The following PDK1 variants were observed in gnomAD, a reference collection of about 807,000 sequenced individuals.
PDK1 encodes pyruvate dehydrogenase kinase 1.
PDK1 carries 39 observed loss-of-function variants against 54.2 expected under a neutral mutation model. The observed-to-expected ratio is 0.72, with a 90% CI of 0.56 to 0.94. The LOEUF (loss-of-function observed/expected upper bound fraction) is 0.94, where lower values mean the gene tolerates loss of function less well. Ranked by LOEUF, PDK1 falls within the 40% of genes least tolerant of loss-of-function variation. The pLI is 0.00. For synonymous variants in PDK1, 221 were observed against 207.1 expected (o/e 1.07, Z -0.58); for missense variants, 552 against 566.0 (o/e 0.98, Z 0.25).
chr2:172,685,629 C>T, the PDK1 span, among the ~76,000 whole-genome samples: 14 of 152,186 alleles, frequency 9.2e-5, no homozygotes, highest in African/African-American at 3.4e-4. Flanking sequence ...GAGTGTTTAG[C>T]ATTGCATACT....
the PDK1 span, among the ~76,000 whole-genome samples, chr2:172,615,634 AC>A: frequency 1.4e-4 from 22 of 152,076 alleles, no homozygotes; most frequent in Admixed American, 7.2e-4. Flanking sequence ...AAAAAAAAAA[AC>A]ATTAATTAAT....
the PDK1 span, among the ~76,000 whole-genome samples, chr2:172,638,664 G>C: frequency 7.1e-6 from 1 of 141,536 alleles, no homozygotes; most frequent in Non-Finnish European, 1.6e-5. Context: ...CTAAAGGATT[G>C]TAAATGCACC....
At chr2:172,563,965 C>G in intron 3 of PDK1, 1 of 465,026 alleles carries the variant, frequency 2.2e-6, no homozygotes, top group Non-Finnish European at 4.4e-6. Flanking sequence ...TTTTCCTCTC[C>G]CATTTTATAA....
the PDK1 span, among the ~76,000 whole-genome samples, chr2:172,663,153 C>T: frequency 6.6e-6 from 1 of 152,184 alleles, no homozygotes; most frequent in Non-Finnish European, 1.5e-5. Context: ...CTGGTTTCTT[C>T]CAGGTTTCTG....
intron 2 of PDK1, among the ~76,000 whole-genome samples, chr2:172,559,245 C>T (rs1260505632): frequency 6.6e-6 from 1 of 152,176 alleles, no homozygotes; most frequent in Non-Finnish European, 1.5e-5. Flanking sequence ...CCGTGCCCGA[C>T]CAGAGTCTTA....
intron 8 of PDK1, among the ~76,000 whole-genome samples, chr2:172,578,163 C>A (rs1334759267): frequency 6.6e-6 from 1 of 152,164 alleles, no homozygotes; most frequent in East Asian, 1.9e-4. Context: ...GCCTTCCAGC[C>A]TCCATGGTTT....
At chr2:172,631,582 C>G in the PDK1 span, among the ~76,000 whole-genome samples, 29 of 152,182 alleles carry the variant, frequency 1.9e-4, no homozygotes, top group Admixed American at 2.0e-4. Flanking sequence ...ACAAAATTCC[C>G]TAGGGTGATT....
At chr2:172,708,071 G>A in the PDK1 span, among the ~76,000 whole-genome samples, 1 of 152,122 alleles carries the variant, frequency 6.6e-6, no homozygotes, top group Non-Finnish European at 1.5e-5. Flanking sequence ...AGAGGTCGAG[G>A]TGAGTAGATT....
At chr2:172,644,107 C>G in the PDK1 span, among the ~76,000 whole-genome samples, 1 of 152,072 alleles carries the variant, frequency 6.6e-6, no homozygotes, top group Non-Finnish European at 1.5e-5. Flanking sequence ...GGAGATGCCC[C>G]GAGGGCATGA....
the PDK1 span, among the ~76,000 whole-genome samples, chr2:172,717,171 G>A: frequency 2.0e-5 from 3 of 152,128 alleles, no homozygotes; most frequent in Non-Finnish European, 4.4e-5. Context: ...AACTGCTTAC[G>A]GCTTTTCTCT....
intron 8 of PDK1, among the ~76,000 whole-genome samples, chr2:172,575,714 C>T (rs752009876): frequency 2.0e-5 from 3 of 151,866 alleles, no homozygotes; most frequent in Non-Finnish European, 2.9e-5. Flanking sequence ...CCCAGCTACT[C>T]GAGAAGCTGA....
chr2:172,570,826 TA>T lies in PDK1; in HGVS notation c.945+5del. The T allele has an allele frequency of 6.5e-7, 1 of 1,541,078 alleles. No homozygotes were observed. Among genetic ancestry groups the T allele is most frequent in the Non-Finnish European group, 8.9e-7 (1 of 1,119,142 alleles). ...GGTAATGAGGATTTGACTGTGAAGG[TA>T]AATGTGTTTAATGGTTTGTTTTCTT... is the stretch of plus-strand genomic sequence containing the variant. On this transcript the variant is annotated splice_donor_region_variant and intron_variant, in intron 8 of 10. Coordinates refer to ENST00000282077, the MANE Select transcript of PDK1 (RefSeq NM_002610.5).
At chr2:172,620,007 A>G in the PDK1 span, among the ~76,000 whole-genome samples, 2 of 152,172 alleles carry the variant, frequency 1.3e-5, no homozygotes, top group African/African-American at 4.8e-5. Context: ...TCTACTAAAA[A>G]TACAAAAATT....
chr2:172,706,278 TC>T, the PDK1 span, among the ~76,000 whole-genome samples: 1 of 152,196 alleles, frequency 6.6e-6, no homozygotes, highest in Admixed American at 6.5e-5. Flanking sequence ...TTTTTTTTTT[TC>T]AGTCAGAGGA....
chr2:172,663,259 C>A, the PDK1 span, among the ~76,000 whole-genome samples: 1 of 152,162 alleles, frequency 6.6e-6, no homozygotes, highest in Non-Finnish European at 1.5e-5. Flanking sequence ...TCTTCTTAAT[C>A]CAATCATATT....
the PDK1 span, among the ~76,000 whole-genome samples, chr2:172,640,497 T>A: frequency 0.034 from 5,097 of 151,920 alleles, 291 homozygotes; most frequent in African/African-American, 0.12. Context: ...GAGAAAAAAA[T>A]ATATATATGG....
At chr2:172,650,409 C>G in the PDK1 span, among the ~76,000 whole-genome samples, 3 of 152,128 alleles carry the variant, frequency 2.0e-5, no homozygotes, top group Non-Finnish European at 2.9e-5. Flanking sequence ...TCAATGCTAG[C>G]AAGAAACTGC....
intron 6 of PDK1, among the ~76,000 whole-genome samples, chr2:172,567,597 T>A (rs182581335): frequency 6.6e-6 from 1 of 152,384 alleles, no homozygotes; most frequent in Admixed American, 6.5e-5. Flanking sequence ...GCAGTGAAGT[T>A]ATGCAATTGA....
chr2:172,646,735 C>CTTTTTTTTTTTTTTTTTTTTTTTTTT, the PDK1 span, among the ~76,000 whole-genome samples: 19 of 72,044 alleles, frequency 2.6e-4, 3 homozygotes, highest in African/African-American at 9.3e-4. Flanking sequence ...CTTGCATTTC[C>CTTTTTTTTTTTTTTTTTTTTTTTTTT]TTTTTTTTTT....
Sources: allele counts gnomAD v4.1 joint callset (sites outside exome capture counted in the v4.1 genomes callset), GRCh38; gene constraint gnomAD v4.1.1; transcripts MANE v1.5; gene names NCBI Gene and HGNC (gene_info 2026-07-23, HGNC 2026-07-21).